The following CAMK4 variants were observed in gnomAD, a reference collection of about 807,000 sequenced individuals.
CAMK4 encodes the protein calcium/calmodulin dependent protein kinase IV.
CAMK4 carries 22 observed loss-of-function variants against 44.9 expected under a neutral mutation model. That is an observed-to-expected ratio of 0.49 (90% CI 0.35 to 0.70). CAMK4 has a LOEUF of 0.70. Among genes scored for constraint, CAMK4 ranks in the 30% least tolerant of loss-of-function variants. The pLI is 0.01. For synonymous variants in CAMK4, 218 were observed against 215.4 expected (o/e 1.01, Z -0.11); for missense variants, 498 against 586.8 (o/e 0.85, Z 1.56).
intron 1 of CAMK4, among the ~76,000 whole-genome samples, chr5:111,241,855 C>T (rs17521129): frequency 0.22 from 33,616 of 152,062 alleles, 4,098 homozygotes; most frequent in Non-Finnish European, 0.28. Context: ...TGTTACAGAG[C>T]GGAGCACATT....
At chr5:111,460,015 G>A (rs1050145054) in intron 7 of CAMK4, among the ~76,000 whole-genome samples, 11 of 152,110 alleles carry the variant, frequency 7.2e-5, no homozygotes, top group Non-Finnish European at 1.0e-4. Context: ...ATATGTGGGG[G>A]TGGGATGATG....
rs368699246 is a variant in CAMK4 at position 111,413,608 on chromosome 5, G to T, written c.459+18826G>T. 4.0e-5 allele frequency among the ~76,000 whole-genome samples: 6 copies of T among 151,718 alleles called. No homozygotes were observed. The South Asian group carries it at 1.2e-3, about 32-fold the overall frequency. On this transcript the variant is annotated intron_variant, in intron 5 of 10. Coordinates refer to ENST00000282356, the MANE Select transcript of CAMK4 (RefSeq NM_001744.6). ...AAAAAAAAATTATTATGGAGCTAAA[G>T]CTATGAATTGTTGTAAAACTGAATG... is the stretch of plus-strand genomic sequence containing the variant.
At chr5:111,445,857 GT>G (rs1428627472) in intron 5 of CAMK4, among the ~76,000 whole-genome samples, 1 of 149,110 alleles carries the variant, frequency 6.7e-6, no homozygotes, top group Non-Finnish European at 1.5e-5. Flanking sequence ...ATATAGACTC[GT>G]TTGTAAATGC....
intron 7 of CAMK4, among the ~76,000 whole-genome samples, chr5:111,456,485 C>T (rs993488190): frequency 3.0e-4 from 37 of 122,468 alleles, no homozygotes; most frequent in Admixed American, 4.4e-4. Flanking sequence ...AGCGAGACTC[C>T]ATCTCAAAAA....
intron 5 of CAMK4, among the ~76,000 whole-genome samples, chr5:111,399,150 C>A (rs1471019197): frequency 6.6e-6 from 1 of 152,164 alleles, no homozygotes; most frequent in Non-Finnish European, 1.5e-5. Context: ...TCCTTCTCAT[C>A]ACCCCAACAT....
In CAMK4 at chr5:111,424,690, G is replaced by A. The variant is rs373827621; in HGVS notation, c.460-21996G>A. On this transcript the variant is annotated intron_variant, in intron 5 of 10. Transcript: ENST00000282356. ...TCTCGATCTCCTGACCTTGCGATCC[G>A]CCCGCCTTGGCCTCCCAAAGTGCTG... Among the ~76,000 whole-genome samples, 80 of 151,598 alleles carry A rather than the reference G, an allele frequency of 5.3e-4. No homozygotes were observed. In the East Asian group the frequency reaches 8.7e-3, roughly 16 times the overall value.
intron 1 of CAMK4, among the ~76,000 whole-genome samples, chr5:111,231,738 A>G (rs1235978392): frequency 6.6e-6 from 1 of 152,214 alleles, no homozygotes; most frequent in South Asian, 2.1e-4. Context: ...AAATTTATTT[A>G]CCAAGAATAC....
intron 6 of CAMK4, among the ~76,000 whole-genome samples, chr5:111,448,649 C>CA (rs1377927915): frequency 1.3e-5 from 2 of 151,926 alleles, no homozygotes; most frequent in Admixed American, 6.6e-5. Flanking sequence ...ACTAAAAATA[C>CA]AAAAAAATTA....
chr5:111,332,013 T>C (rs1156349516), intron 1 of CAMK4, among the ~76,000 whole-genome samples: 1 of 151,662 alleles, frequency 6.6e-6, no homozygotes, highest in African/African-American at 2.4e-5. Context: ...AAATGAACAG[T>C]GATTTCTGCT....
chr5:111,388,040 A>G (rs528808970), intron 4 of CAMK4, among the ~76,000 whole-genome samples: 1 of 152,296 alleles, frequency 6.6e-6, no homozygotes, highest in Admixed American at 6.5e-5. Context: ...TTAAAATGGG[A>G]TGTCTGAGTT....
At chr5:111,285,111 T>C (rs1751186164) in intron 1 of CAMK4, among the ~76,000 whole-genome samples, 1 of 152,178 alleles carries the variant, frequency 6.6e-6, no homozygotes, top group South Asian at 2.1e-4. Flanking sequence ...AGCATAAAAA[T>C]AAAGCCCTAC....
intron 1 of CAMK4, among the ~76,000 whole-genome samples, chr5:111,234,662 G>T (rs765411781): frequency 6.6e-6 from 1 of 152,170 alleles, no homozygotes; most frequent in East Asian, 1.9e-4. Context: ...GCTTAACCCT[G>T]TTAGCAAATG....
In CAMK4 at chr5:111,482,708, CTGGAAGTTTGTAAG is replaced by C; in HGVS notation, c.829-76_829-63del. 1 of 1,202,968 alleles carries C rather than the reference CTGGAAGTTTGTAAG, an allele frequency of 8.3e-7. No individual in the cohort carries two copies. Among genetic ancestry groups the C allele is most frequent in the Non-Finnish European group, 1.2e-6 (1 of 848,844 alleles). 74.5% of individuals were successfully genotyped at this position (1,202,968 alleles called of 1,614,324 possible). ...GTACTGCTGGGAAATGGAATAAGAT[CTGGAAGTTTGTAAG>C]CTGAGGGCAAGCCCAGGTCATCCTA... On this transcript the variant is annotated intron_variant, in intron 9 of 10. Coordinates refer to ENST00000282356, the MANE Select transcript of CAMK4 (RefSeq NM_001744.6). The surrounding 1 kb of genome is among the most constrained non-coding windows in gnomAD (Gnocchi z 4.9).
Position 111,482,268 on chromosome 5 carries a change from C to A in CAMK4, c.829-517C>A, listed in dbSNP as rs946651868. 6.6e-6 allele frequency: 1 copy of A among 152,128 alleles called. No individual in the cohort carries two copies. The highest frequency in any genetic ancestry group is 2.4e-5 in the African/African-American group (1 of 41,402). The allele number at this position is 152,128 out of a possible 1,614,324, so 9.4% of individuals were successfully genotyped here. On this transcript the variant is annotated intron_variant, in intron 9 of 10. Coordinates refer to ENST00000282356, the MANE Select transcript of CAMK4 (RefSeq NM_001744.6). The surrounding 1 kb of genome is among the most constrained non-coding windows in gnomAD (Gnocchi z 4.9). ...ACTCTGGGCTTAGTCCTTCAAGTAC[C>A]CTCAAGGGGTTAGAAAGAACTATAA...
Position 111,378,230 on chromosome 5 carries a change from G to A in CAMK4, c.386+1288G>A, listed in dbSNP as rs910306504. On this transcript the variant is annotated intron_variant, in intron 4 of 10. Transcript: ENST00000282356. Reference sequence around the variant, plus strand: ...AGAAGGTGCCTTCTATGAGAAAGCGGGCCCTCACCAGACACAAAATCTTCT... The same window carrying A: ...AGAAGGTGCCTTCTATGAGAAAGCGAGCCCTCACCAGACACAAAATCTTCT... 3.9e-5 allele frequency among the ~76,000 whole-genome samples: 6 copies of A among 152,120 alleles called. No homozygotes were observed. In the South Asian group the frequency reaches 1.2e-3, roughly 32 times the overall value.
intron 1 of CAMK4, among the ~76,000 whole-genome samples, chr5:111,314,118 A>C (rs955709492): frequency 6.6e-6 from 1 of 152,110 alleles, no homozygotes; most frequent in African/African-American, 2.4e-5. Context: ...AACAGCTGTG[A>C]AATTTTGGGG....
At chr5:111,237,593 G>A (rs1214011386) in intron 1 of CAMK4, among the ~76,000 whole-genome samples, 2 of 152,200 alleles carry the variant, frequency 1.3e-5, no homozygotes, top group African/African-American at 4.8e-5. Flanking sequence ...ACAAATGCTA[G>A]CACTAGTTGT....
At chr5:111,366,858 AT>A (rs202208177) in intron 2 of CAMK4, among the ~76,000 whole-genome samples, 3,293 of 151,918 alleles carry the variant, frequency 0.022, 115 homozygotes, top group African/African-American at 0.076. Context: ...TAAATTTTAA[AT>A]TTTTTTCTGT....
chr5:111,299,438 G>T (rs748519598), intron 1 of CAMK4, among the ~76,000 whole-genome samples: 13 of 152,118 alleles, frequency 8.5e-5, no homozygotes, highest in Non-Finnish European at 1.5e-4. Context: ...CCCCCGCTTG[G>T]ACCTCAGCTT....
Sources: allele counts gnomAD v4.1 joint callset (sites outside exome capture counted in the v4.1 genomes callset), GRCh38; gene constraint gnomAD v4.1.1; non-coding constraint Gnocchi (gnomAD v3.1); transcripts MANE v1.5; gene names NCBI Gene and HGNC (gene_info 2026-07-23, HGNC 2026-07-21).